PGCKA1: variants seen among roughly 807,000 people sequenced by gnomAD.
The protein encoded by PGCKA1 is PDCD10 and GCKIII kinases-associated protein 1.
At chr4:37,539,245 T>A in the PGCKA1 span, among the ~76,000 whole-genome samples, 1,188 of 152,342 alleles carry the variant, frequency 7.8e-3, 16 homozygotes, top group Non-Finnish European at 8.3e-3. Context: ...AAAAATGTTA[T>A]ATAAACGACA....
At chr4:37,558,389 C>G in the PGCKA1 span, among the ~76,000 whole-genome samples, 1 of 152,144 alleles carries the variant, frequency 6.6e-6, no homozygotes, top group Non-Finnish European at 1.5e-5. Flanking sequence ...TTTCAAGCTT[C>G]TCCCGTAATG....
At chr4:37,488,222 A>G in the PGCKA1 span, among the ~76,000 whole-genome samples, 1 of 152,194 alleles carries the variant, frequency 6.6e-6, no homozygotes. Context: ...TAGGTCCAAA[A>G]TGTATTTATT....
the PGCKA1 span, among the ~76,000 whole-genome samples, chr4:37,537,653 CT>C: frequency 2.0e-5 from 3 of 152,274 alleles, no homozygotes; most frequent in South Asian, 6.2e-4. Flanking sequence ...TTTGAGTTCT[CT>C]CTTTGACAGG....
At chr4:37,581,274 C>T in the PGCKA1 span, among the ~76,000 whole-genome samples, 2 of 152,148 alleles carry the variant, frequency 1.3e-5, no homozygotes, top group Non-Finnish European at 2.9e-5. This position sits in a 1 kb window ranked among gnomAD's most constrained non-coding sequence, Gnocchi z 4.4. Flanking sequence ...ACAAAGTCCA[C>T]TTTACTTTTC....
the PGCKA1 span, among the ~76,000 whole-genome samples, chr4:37,561,905 C>T: frequency 6.6e-6 from 1 of 152,182 alleles, no homozygotes; most frequent in Non-Finnish European, 1.5e-5. Flanking sequence ...CACTATGACT[C>T]ATTTCTGAAC....
At chr4:37,490,628 T>G in the PGCKA1 span, among the ~76,000 whole-genome samples, 1 of 152,148 alleles carries the variant, frequency 6.6e-6, no homozygotes, top group East Asian at 1.9e-4. Context: ...CTTTGGTCTC[T>G]CCCGGCTTCT....
chr4:37,468,825 C>T, the PGCKA1 span, among the ~76,000 whole-genome samples: 9 of 152,138 alleles, frequency 5.9e-5, no homozygotes, highest in South Asian at 2.1e-4. Context: ...TAATTCTGTG[C>T]GGGTTCACAA....
chr4:37,580,803 A>T, the PGCKA1 span, among the ~76,000 whole-genome samples: 6 of 152,338 alleles, frequency 3.9e-5, no homozygotes, highest in Admixed American at 1.3e-4. Flanking sequence ...TACAATCAAC[A>T]GGTGCAAAGC....
chr4:37,521,038 A>T, the PGCKA1 span, among the ~76,000 whole-genome samples: 1 of 151,738 alleles, frequency 6.6e-6, no homozygotes, highest in Admixed American at 6.6e-5. Flanking sequence ...GATATTTTGT[A>T]TTTTTTTATT....
the PGCKA1 span, among the ~76,000 whole-genome samples, chr4:37,532,811 G>C: frequency 2.2e-5 from 3 of 134,942 alleles, no homozygotes; most frequent in Non-Finnish European, 5.0e-5. Context: ...CCACTAGCAG[G>C]AGTGAATACT....
At chr4:37,519,667 G>C in the PGCKA1 span, among the ~76,000 whole-genome samples, 1 of 152,166 alleles carries the variant, frequency 6.6e-6, no homozygotes, top group African/African-American at 2.4e-5. Context: ...TCCTTGTGGA[G>C]TCCTTAGGTT....
chr4:37,474,666 C>T, the PGCKA1 span, among the ~76,000 whole-genome samples: 2 of 152,092 alleles, frequency 1.3e-5, no homozygotes, highest in African/African-American at 4.8e-5. Context: ...GTACTAGGTA[C>T]TTTAGGTGAT....
At chr4:37,540,463 G>A in the PGCKA1 span, among the ~76,000 whole-genome samples, 1 of 152,216 alleles carries the variant, frequency 6.6e-6, no homozygotes, top group Non-Finnish European at 1.5e-5. Flanking sequence ...GTGCTTTAGT[G>A]AAGTAACTAG....
At chr4:37,525,518 C>T in the PGCKA1 span, among the ~76,000 whole-genome samples, 1 of 151,984 alleles carries the variant, frequency 6.6e-6, no homozygotes, top group Non-Finnish European at 1.5e-5. Flanking sequence ...AGCAAGGAGG[C>T]CCTAAGCAAT....
chr4:37,556,796 AT>A, the PGCKA1 span, among the ~76,000 whole-genome samples: 2 of 152,204 alleles, frequency 1.3e-5, no homozygotes, highest in Non-Finnish European at 1.5e-5. Flanking sequence ...CCCTGCAGGC[AT>A]GGACTTGTGT....
the PGCKA1 span, among the ~76,000 whole-genome samples, chr4:37,545,917 AT>A: frequency 6.6e-6 from 1 of 152,246 alleles, no homozygotes; most frequent in Non-Finnish European, 1.5e-5. Context: ...CCCTTAAAAT[AT>A]AGTACATATT....
At chr4:37,473,035 G>C in the PGCKA1 span, among the ~76,000 whole-genome samples, 3 of 152,234 alleles carry the variant, frequency 2.0e-5, no homozygotes, top group Admixed American at 1.3e-4. Flanking sequence ...TTTAAATCTT[G>C]GGGACTTAGA....
the PGCKA1 span, among the ~76,000 whole-genome samples, chr4:37,501,034 G>A: frequency 6.6e-6 from 1 of 152,144 alleles, no homozygotes; most frequent in Non-Finnish European, 1.5e-5. Flanking sequence ...GTCTCTTGAA[G>A]ACAGTATACC....
chr4:37,525,343 C>T, the PGCKA1 span, among the ~76,000 whole-genome samples: 1 of 152,148 alleles, frequency 6.6e-6, no homozygotes, highest in Non-Finnish European at 1.5e-5. Flanking sequence ...TAGGTCTTTA[C>T]ACCATTTAAA....
Sources: gnomAD v4.1 joint callset for allele counts (sites outside exome capture counted in the v4.1 genomes callset) on GRCh38, gnomAD v4.1.1 for gene constraint, Gnocchi (gnomAD v3.1) non-coding constraint, MANE v1.5 for transcripts, NCBI Gene and HGNC (gene_info 2026-07-23, HGNC 2026-07-21) for gene names.